Variants in ADCY7 observed in about 807,000 individuals in gnomAD.
The protein encoded by ADCY7 is adenylate cyclase 7.
A neutral mutation model predicts 120.6 loss-of-function variants in ADCY7; 72 were observed. The observed-to-expected ratio is 0.60, with a 90% CI of 0.49 to 0.73. The LOEUF (loss-of-function observed/expected upper bound fraction) is 0.73. Among genes scored for constraint, ADCY7 ranks in the 30% least tolerant of loss-of-function variants. The probability of loss-of-function intolerance (pLI) is 0.00; values close to 1 mark genes in which losing one functional copy is unlikely to be tolerated. For missense variants in ADCY7, 1,227 were observed against 1,486.0 expected, an observed-to-expected ratio of 0.83 and a Z score of 2.87; for synonymous variants, 661 against 628.0, an observed-to-expected ratio of 1.05 and a Z score of -0.78.
At chr16:50,292,552 ATTCTC>A in intron 4 of ADCY7, 119 bp from the exon 5 acceptor site, 4 of 1,245,974 alleles carry the variant, frequency 3.2e-6, no homozygotes, top group Middle Eastern at 2.1e-4. Context: ...GAAGAGTGCC[ATTCTC>A]AGTGGGTTGA....
In ADCY7 at chr16:50,312,037, T is replaced by C. The variant is rs146681057; in HGVS notation, c.2450T>C (p.Ile817Thr). The C allele has an allele frequency of 1.1e-5, 17 of 1,614,012 alleles. No individual in the cohort carries two copies. In the East Asian group the frequency reaches 1.1e-4, roughly 11 times the overall value. The change falls in exon 21 of 26, where the codon ATT becomes ACT. Residue 817 changes from isoleucine to threonine, a missense_variant and splice_region_variant. Physicochemically the swap from Ile to Thr is moderately conservative, Grantham distance 89. Coordinates refer to ENST00000673801, the MANE Select transcript of ADCY7 (RefSeq NM_001114.5). ...YITLLTLSRQIDYYCRLDCLW... is the reference protein window; with the variant it reads ...YITLLTLSRQTDYYCRLDCLW... ...CGCTTATGTTGCTGCCGTTTGCAGA[T>C]TGACTATTACTGCCGCTTGGACTGC...
rs1202071132 is a variant in ADCY7 at position 50,290,649 on chromosome 16, G to C, written c.364G>C (p.Ala122Pro). The C allele has an allele frequency of 6.2e-7, 1 of 1,613,406 alleles. No homozygotes were observed. Residue 122 changes from alanine to proline, a missense_variant, in exon 3 of 26, where the codon GCG (alanine) becomes CCG (proline). By Grantham distance (27) the Ala-to-Pro change is conservative. This residue lies in a region of ADCY7 where 382 missense variants were observed against 411.4 expected (regional missense o/e 0.93). Transcript: ENST00000673801. ...VFDAWTKAACAWEQVPFFLFI... is the reference protein window; with the variant it reads ...VFDAWTKAACPWEQVPFFLFI... ...CGACGCATGGACAAAGGCGGCCTGT[G>C]CGTGGGAGCAGGTAACAGGAACTCT...
chr16:50,290,166 G>C (rs372803191), intron 2 of ADCY7, among the ~76,000 whole-genome samples: 5 of 152,388 alleles, frequency 3.3e-5, no homozygotes, highest in African/African-American at 9.6e-5. Context: ...TGTGCACAGA[G>C]CACCGTGGGA....
chr16:50,310,901 G>GTCCCC, intron 19 of ADCY7, 21 bp downstream of exon 19: 1 of 1,560,460 alleles, frequency 6.4e-7, no homozygotes, highest in East Asian at 2.4e-5. Context: ...GCCCGTCCCC[G>GTCCCC]TCCCCATCCC....
At chr16:50,272,453 G>A (rs1032080011) in intron 1 of ADCY7, among the ~76,000 whole-genome samples, 1 of 152,208 alleles carries the variant, frequency 6.6e-6, no homozygotes, top group African/African-American at 2.4e-5. Context: ...TGGAGTCACC[G>A]ACTGGCTGGG....
At chr16:50,305,987 T>G in intron 14 of ADCY7, 138 bp downstream of exon 14, 3 of 786,976 alleles carry the variant, frequency 3.8e-6, no homozygotes, top group Non-Finnish European at 6.3e-6. Context: ...CAGCTGCTCC[T>G]GGGCGGGGGG....
intron 1 of ADCY7, among the ~76,000 whole-genome samples, chr16:50,252,533 A>AG (rs2032789818): frequency 6.6e-6 from 1 of 152,134 alleles, no homozygotes. Flanking sequence ...GTGCCTTCGT[A>AG]GCTGTGCCTT....
intron 6 of ADCY7, among the ~76,000 whole-genome samples, chr16:50,294,145 T>A (rs2035185061): frequency 6.6e-6 from 1 of 152,196 alleles, no homozygotes; most frequent in Admixed American, 6.5e-5. Context: ...AGCTCTTGGC[T>A]TCCCAGCAAG....
At chr16:50,265,451 C>T (rs988066563), upstream of ADCY7, among the ~76,000 whole-genome samples, 19 of 152,194 alleles carry the variant, frequency 1.2e-4, no homozygotes, top group Admixed American at 3.3e-4. Context: ...GGCACAGAGA[C>T]AGCACCTAAC....
chr16:50,287,864 C>G (rs2034681040), intron 1 of ADCY7, 48 bp from the exon 2 acceptor site: 1 of 324,352 alleles, frequency 3.1e-6, no homozygotes, highest in Admixed American at 4.9e-5. Context: ...CTAGCCCTCC[C>G]CTGACTTGGA....
intron 18 of ADCY7, 135 bp downstream of exon 18, chr16:50,309,781 T>G (rs1400524289): frequency 6.3e-6 from 5 of 793,882 alleles, no homozygotes; most frequent in Non-Finnish European, 9.7e-6. Flanking sequence ...CAGCCTCTCC[T>G]GCAGAGCTGG....
At chr16:50,308,581 G>A (rs563263662) in intron 16 of ADCY7, 86 bp from the exon 17 acceptor site, 226 of 1,554,952 alleles carry the variant, frequency 1.5e-4, no homozygotes, top group East Asian at 6.8e-4. Context: ...GGCTTCTCCC[G>A]AGGATACCCC....
chr16:50,267,796 T>C (rs563190547), intron 1 of ADCY7, among the ~76,000 whole-genome samples: 1 of 152,268 alleles, frequency 6.6e-6, no homozygotes, highest in Non-Finnish European at 1.5e-5. Context: ...AAAGGAGACA[T>C]AAAAGTGACA....
intron 17 of ADCY7, chr16:50,309,192 G>T: frequency 3.0e-6 from 1 of 329,194 alleles, no homozygotes; most frequent in African/African-American, 2.1e-5. Flanking sequence ...CCCGCATCCT[G>T]GGCTAGGGCC....
At position 50,300,095 on chromosome 16, in the gene ADCY7, A is replaced by C. The variant is rs149859741; in HGVS notation, c.1077-620A>C. The stretch of plus-strand genomic sequence containing the variant: ...GCCAGTAAACTTTATTTATTTATTT[A>C]TTTATTTGAGATGGAGTCTCGCTGT... On this transcript the variant is annotated intron_variant, in intron 8 of 25. Coordinates refer to ENST00000673801, the MANE Select transcript of ADCY7 (RefSeq NM_001114.5). 3.1e-3 allele frequency among the ~76,000 whole-genome samples: 474 copies of C among 151,926 alleles called. 2 individuals are homozygous for C. The highest frequency in any genetic ancestry group is 0.011 in the African/African-American group (449 of 41,454).
At chr16:50,280,446 T>G (rs1057041706) in intron 1 of ADCY7, among the ~76,000 whole-genome samples, 1 of 152,186 alleles carries the variant, frequency 6.6e-6, no homozygotes, top group Non-Finnish European at 1.5e-5. Context: ...TTTCTTCAGT[T>G]CAGCTCTGAT....
In ADCY7 at chr16:50,301,148, C is replaced by T. The variant is rs879125206; in HGVS notation, c.1302C>T (p.His434=). The T allele has an allele frequency of 1.8e-5, 29 of 1,613,406 alleles. No homozygotes were observed. The highest frequency in any genetic ancestry group is 2.2e-5 in the East Asian group (1 of 44,872). The change falls in exon 10 of 26, where the codon CAC becomes CAT. Residue 434 remains histidine, a synonymous_variant. Transcript: ENST00000673801. The part of the protein sequence containing the change: ...LDKAYEVEDG[H]GQQRDPYLKE... ...AGGCGTACGAGGTGGAGGATGGGCA[C>T]GGGCAGCAGCGGGACCCCTACCTCA...
intron 1 of ADCY7, among the ~76,000 whole-genome samples, chr16:50,247,522 G>A (rs1287712947): frequency 1.4e-5 from 2 of 148,076 alleles, no homozygotes; most frequent in Non-Finnish European, 3.0e-5. Context: ...GCGCCACCAC[G>A]CCTGGCTAAT....
At chr16:50,312,248 C>T (rs1009421865) in intron 21 of ADCY7, 57 bp downstream of exon 21, 76 of 1,590,534 alleles carry the variant, frequency 4.8e-5, no homozygotes, top group African/African-American at 1.1e-4. Flanking sequence ...AGGCGCAGTC[C>T]GTAGGGTGAA....
Sources: gnomAD v4.1 joint callset for allele counts (sites outside exome capture counted in the v4.1 genomes callset) on GRCh38, gnomAD v4.1.1 for gene constraint, gnomAD v4.1.1 regional missense constraint, MANE v1.5 for transcripts, NCBI Gene and HGNC (gene_info 2026-07-23, HGNC 2026-07-21) for gene names.